The following PAX7 variants were observed in gnomAD, a reference collection of about 807,000 sequenced individuals.
PAX7 encodes the protein paired box protein Pax-7.
Under a neutral mutation model 50.7 loss-of-function variants are expected in PAX7, and 18 were observed. The observed-to-expected ratio is 0.36, with a 90% CI of 0.25 to 0.53. PAX7 has a LOEUF of 0.53. Ranked by LOEUF, PAX7 falls within the 20% of genes least tolerant of loss-of-function variation. The pLI is 0.93. For synonymous variants in PAX7, 310 were observed against 290.4 expected (o/e 1.07, Z -0.69); for missense variants, 644 against 702.9 (o/e 0.92, Z 0.95).
chr1:18,741,148 A>T (rs991479503), intron 8 of PAX7, among the ~76,000 whole-genome samples: 7 of 152,230 alleles, frequency 4.6e-5, no homozygotes, highest in Admixed American at 1.3e-4. Context: ...TTTGAAACAC[A>T]TAGAAATGAT....
In PAX7 at chr1:18,635,233, G is replaced by A; in HGVS notation, c.444G>A (p.Val148=). 6.2e-7 allele frequency: 1 copy of A among 1,613,498 alleles called. No individual in the cohort carries two copies. The highest frequency in any genetic ancestry group is 2.2e-5 in the East Asian group (1 of 44,856). ...ATGGGCACTGTGACCGAAGCACTGT[G>A]CCCTCAGGTGAGAAGGCAGCTGAGC... ...LKDGHCDRST[V]PSGLVSSISR... is the part of the protein sequence containing the mutation. Residue 148 remains valine (V), a synonymous_variant, in exon 3 of 9, where the codon GTG becomes GTA. Coordinates refer to ENST00000420770, the MANE Select transcript of PAX7 (RefSeq NM_001135254.2).
chr1:18,730,407 G>C (rs1192255803), intron 7 of PAX7, among the ~76,000 whole-genome samples: 2 of 152,042 alleles, frequency 1.3e-5, no homozygotes, highest in Non-Finnish European at 2.9e-5. Context: ...GTGGGGCTCT[G>C]TGTCCTGCCG....
At chr1:18,670,523 G>A (rs867958440) in intron 4 of PAX7, among the ~76,000 whole-genome samples, 1 of 152,156 alleles carries the variant, frequency 6.6e-6, no homozygotes, top group Non-Finnish European at 1.5e-5. Context: ...CCCAGGCCTT[G>A]TTCTCCACTA....
At chr1:18,715,699 G>A (rs907913254) in intron 7 of PAX7, among the ~76,000 whole-genome samples, 4 of 152,154 alleles carry the variant, frequency 2.6e-5, no homozygotes, top group Admixed American at 6.5e-5. Context: ...CCTTCTGTAA[G>A]GTGAGGCTAA....
At chr1:18,698,768 C>G (rs1398115237) in intron 5 of PAX7, among the ~76,000 whole-genome samples, 1 of 151,772 alleles carries the variant, frequency 6.6e-6, no homozygotes, top group Non-Finnish European at 1.5e-5. Flanking sequence ...AGTCGTTTTT[C>G]CTCCAGGCTT....
intron 4 of PAX7, among the ~76,000 whole-genome samples, chr1:18,668,475 C>T: frequency 6.6e-6 from 1 of 152,144 alleles, no homozygotes; most frequent in Non-Finnish European, 1.5e-5. Context: ...CCAAGGCAGG[C>T]AAACTGCTTG....
intron 8 of PAX7, among the ~76,000 whole-genome samples, chr1:18,742,709 C>T (rs1280072372): frequency 6.6e-6 from 1 of 152,142 alleles, no homozygotes; most frequent in Non-Finnish European, 1.5e-5. Context: ...CAGCTCAGAC[C>T]CTAGGCAGAC....
At chr1:18,671,617 A>C (rs1349728165) in intron 4 of PAX7, among the ~76,000 whole-genome samples, 1 of 152,056 alleles carries the variant, frequency 6.6e-6, no homozygotes, top group Non-Finnish European at 1.5e-5. Context: ...GCCTGGATTC[A>C]AATCCTGAAT....
At position 18,703,305 on chromosome 1, in the gene PAX7, T is replaced by C. The variant is rs2841099; in HGVS notation, c.1155+9T>C. ...ACGGCCTGTCTCCTCAGGTAGGTGGTCTCAGCCCAGCACCCAGGATCCCAC... is the reference window on the plus strand; with the variant it reads ...ACGGCCTGTCTCCTCAGGTAGGTGGCCTCAGCCCAGCACCCAGGATCCCAC... On this transcript the variant is annotated intron_variant, in intron 7 of 8. Transcript: ENST00000420770. 4.9e-3 allele frequency: 7,858 copies of C among 1,612,764 alleles called. 236 individuals carry two copies. In the African/African-American group the frequency reaches 0.077, roughly 16 times the overall value.
chr1:18,643,660 AAGATAGG>A (rs2088293436), intron 4 of PAX7, among the ~76,000 whole-genome samples: 3 of 151,926 alleles, frequency 2.0e-5, no homozygotes, highest in Admixed American at 6.5e-5. Context: ...CGGCTAGGGG[AAGATAGG>A]AGGCGGGCGA....
intron 4 of PAX7, among the ~76,000 whole-genome samples, chr1:18,676,830 C>A (rs2088829802): frequency 6.6e-6 from 1 of 152,170 alleles, no homozygotes; most frequent in Non-Finnish European, 1.5e-5. Flanking sequence ...TGTCCTGAAC[C>A]CTGAAGGTGG....
At chr1:18,727,386 A>T (rs1467875137) in intron 7 of PAX7, among the ~76,000 whole-genome samples, 34 of 151,136 alleles carry the variant, frequency 2.2e-4, no homozygotes, top group African/African-American at 7.6e-4. Context: ...ACACACACAC[A>T]CACACACACA....
chr1:18,732,977 T>C (rs9439731), intron 7 of PAX7, among the ~76,000 whole-genome samples: 49,852 of 151,698 alleles, frequency 0.33, 9,001 homozygotes, highest in Middle Eastern at 0.48. Flanking sequence ...ATCTGGAGCC[T>C]GAGTGTTTTT....
rs922297165 is a variant in PAX7 at position 18,690,427 on chromosome 1, G to A, written c.587-1327G>A. On this transcript the variant is annotated intron_variant, in intron 4 of 8. Transcript: ENST00000420770. ...TGCTGAGGGGCAGCTTCAGCGCCCC[G>A]GCTGGGAGATGCCCTGCTAGCATCC... Among the ~76,000 whole-genome samples, 41 of 152,196 alleles carry A rather than the reference G, an allele frequency of 2.7e-4. 1 individual carries two copies. The highest frequency in any genetic ancestry group is 2.5e-3 in the Admixed American group (38 of 15,282).
chr1:18,653,737 G>C (rs748807125), intron 4 of PAX7, among the ~76,000 whole-genome samples: 2 of 151,946 alleles, frequency 1.3e-5, no homozygotes, highest in African/African-American at 4.8e-5. Context: ...AAGACTTAGA[G>C]AGGCCAAGTC....
Position 18,744,862 on chromosome 1 carries a change from G to A in PAX7, c.1451G>A (p.Arg484His), listed in dbSNP as rs57227966. 5.1e-4 allele frequency: 798 copies of A among 1,558,462 alleles called. 7 individuals carry two copies. In the East Asian group the frequency reaches 0.015, roughly 29 times the overall value. ...AATGTGAGCCTCTCCACCCAGCGTCGCATGAAGCTCGGGGAGCACTCTGCT... is the reference window on the plus strand; with the variant it reads ...AATGTGAGCCTCTCCACCCAGCGTCACATGAAGCTCGGGGAGCACTCTGCT... ...AKNVSLSTQRRMKLGEHSAVL... is the reference protein window; with the variant it reads ...AKNVSLSTQRHMKLGEHSAVL... Residue 484 changes from arginine to histidine, a missense_variant, in exon 9 of 9, where the codon CGC becomes CAC. By Grantham distance (29) the Arg-to-His change is conservative (BLOSUM62 0). Coordinates refer to ENST00000420770, the MANE Select transcript of PAX7 (RefSeq NM_001135254.2).
intron 4 of PAX7, among the ~76,000 whole-genome samples, chr1:18,685,427 C>G (rs1410495399): frequency 6.6e-6 from 1 of 152,218 alleles, no homozygotes; most frequent in Non-Finnish European, 1.5e-5. Flanking sequence ...TCAAGGATCT[C>G]CCAGACCAGT....
chr1:18,689,340 C>G (rs1378444675), intron 4 of PAX7, among the ~76,000 whole-genome samples: 1 of 152,098 alleles, frequency 6.6e-6, no homozygotes, highest in African/African-American at 2.4e-5. Context: ...GGGAAGGGGC[C>G]CCAGGATGGC....
chr1:18,747,468 G>A lies in PAX7; in HGVS notation c.*2539G>A, dbSNP rs1038416446. ...TTCTCTCTAAAACCCGTATATTAAC[G>A]CATCTGGCCAACTTGGGTTATAAAA... On this transcript the variant is annotated 3_prime_UTR_variant, in exon 9 of 9. Transcript: ENST00000420770. 1.4e-5 allele frequency: 3 copies of A among 220,100 alleles called. No individual in the cohort carries two copies. Among genetic ancestry groups the A allele is most frequent in the South Asian group, 1.8e-4 (1 of 5,420 alleles). The allele number at this position is 220,100 out of a possible 1,614,324, so 13.6% of individuals were successfully genotyped here. A position where few individuals can be genotyped will look rare whatever the true frequency, so the allele number is the denominator to read the frequency against.
Sources: gnomAD v4.1 joint callset for allele counts (sites outside exome capture counted in the v4.1 genomes callset) on GRCh38, gnomAD v4.1.1 for gene constraint, MANE v1.5 for transcripts, NCBI Gene and HGNC (gene_info 2026-07-23, HGNC 2026-07-21) for gene names.